The following ABCA6 variants were observed in gnomAD, a reference collection of about 807,000 sequenced individuals.
ABCA6 encodes ATP-binding cassette sub-family A member 6.
ABCA6 carries 164 observed loss-of-function variants against 191.2 expected under a neutral mutation model. The ratio of observed to expected loss-of-function variants is 0.86; its 90% CI spans 0.76 to 0.98. ABCA6 has a LOEUF of 0.98. Ranked by LOEUF, ABCA6 falls within the 50% of genes least tolerant of loss-of-function variation. ABCA6 has a pLI of 0.00. For synonymous variants in ABCA6, 636 were observed against 647.7 expected (o/e 0.98, Z 0.27); for missense variants, 1,958 against 1,894.1 (o/e 1.03, Z -0.63).
At chr17:69,082,647 G>T (rs1009350578) in intron 36 of ABCA6, among the ~76,000 whole-genome samples, 9 of 152,280 alleles carry the variant, frequency 5.9e-5, no homozygotes, top group African/African-American at 1.9e-4. Flanking sequence ...TGGAGCTGGG[G>T]ATCAGCCTGG....
chr17:69,089,424 C>T (rs2072876727), intron 27 of ABCA6, 41 bp downstream of exon 27: 1 of 1,555,724 alleles, frequency 6.4e-7, no homozygotes, highest in East Asian at 2.2e-5. Context: ...GAATGACAGT[C>T]ATCCAAAAGA....
intron 8 of ABCA6, 61 bp from the exon 9 acceptor site, chr17:69,125,096 A>G: frequency 1.1e-6 from 1 of 926,432 alleles, no homozygotes; most frequent in Non-Finnish European, 1.5e-6. Flanking sequence ...TTGGCATAGC[A>G]GGAAAAAGTA....
At chr17:69,132,458 TTG>T (rs2144713516) in intron 6 of ABCA6, among the ~76,000 whole-genome samples, 1 of 152,236 alleles carries the variant, frequency 6.6e-6, no homozygotes, top group South Asian at 2.1e-4. Context: ...TGTTTTGTTT[TTG>T]TTTTTGTTTG....
chr17:69,133,404 A>C (rs73354278), intron 6 of ABCA6, among the ~76,000 whole-genome samples: 14,740 of 152,222 alleles, frequency 0.097, 2,420 homozygotes, highest in African/African-American at 0.34. Context: ...AAAATGAATG[A>C]CAGTCCCCCT....
Position 69,081,143 on chromosome 17 carries a change from T to C in ABCA6, c.4619A>G (p.Tyr1540Cys). Residue 1540 changes from tyrosine to cysteine, a missense_variant and splice_region_variant, in exon 37 of 39, where the codon TAT becomes TGT. Transcript: ENST00000284425. Reference sequence around the variant, plus strand: ...CAGCTTATAGGTTAACAAAGAGGAATACCTGAAAACAGGAAGATGTCGTTT... The same window carrying C: ...CAGCTTATAGGTTAACAAAGAGGAACACCTGAAAACAGGAAGATGTCGTTT... The part of the protein sequence containing the change: ...LFPQAAGQER[Y>C]SSLLTYKLPV... 6.3e-7 allele frequency: 1 copy of C among 1,582,546 alleles called. No homozygotes were observed.
In ABCA6 at chr17:69,097,997, C is replaced by G. The variant is rs765246626; in HGVS notation, c.3043G>C (p.Asp1015His). Residue 1015 changes from aspartate (D) to histidine (H), a missense_variant, in exon 23 of 39, where the codon GAT (aspartate) becomes CAT (histidine). Coordinates refer to ENST00000284425, the MANE Select transcript of ABCA6 (RefSeq NM_080284.3). ...ACCAAAAATAAGAAAAAGGAACCAT[C>G]CGGCAACCCAGTCCAGAGTCCTATG... ...SHIGLWTGLP[D>H]GSFFLFLVLC... is the part of the protein sequence containing the mutation. 1 of 1,611,882 alleles carries G rather than the reference C, an allele frequency of 6.2e-7. No homozygotes were observed. The highest frequency in any genetic ancestry group is 1.1e-5 in the South Asian group (1 of 90,758).
rs746169945 is a variant in ABCA6 at position 69,133,754 on chromosome 17, GAATAA to G, written c.673_677del (p.Phe226LeufsTer23). 3 of 1,611,184 alleles carry G rather than the reference GAATAA, an allele frequency of 1.9e-6. No homozygotes were observed. The Admixed American group carries it at 5.0e-5, about 27-fold the overall frequency. The stretch of plus-strand genomic sequence containing the variant: ...CAAGTGGGGAGAAATGAAGCAAGAA[GAATAA>G]AATAAACATCTCATTGTGAAGAAGA... On this transcript the variant is annotated frameshift_variant, in exon 6 of 39. Coordinates refer to ENST00000284425, the MANE Select transcript of ABCA6 (RefSeq NM_080284.3). LOFTEE classifies it high-confidence loss of function.
chr17:69,136,047 GA>G, intron 4 of ABCA6, 44 bp downstream of exon 4: 1 of 1,567,884 alleles, frequency 6.4e-7, no homozygotes, highest in South Asian at 1.1e-5. Context: ...TCTTTATGTT[GA>G]AAACATGAAA....
Position 69,133,641 on chromosome 17 carries a change from C to T in ABCA6, c.791G>A (p.Trp264Ter). 1 of 1,569,734 alleles carries T rather than the reference C, an allele frequency of 6.4e-7. No individual in the cohort carries two copies. The highest frequency in any genetic ancestry group is 8.7e-7 in the Non-Finnish European group (1 of 1,151,496). The change falls in exon 6 of 39, where the codon TGG becomes TAG. Residue 264 changes from tryptophan to a stop codon, truncating the protein, a stop_gained and splice_region_variant. Coordinates refer to ENST00000284425, the MANE Select transcript of ABCA6 (RefSeq NM_080284.3). LOFTEE classifies it high-confidence loss of function. ...TGCACTACTTGAATTAGTCACTCACCAGAATGCTGAATCTTGGAGACCCAT... is the reference window on the plus strand; with the variant it reads ...TGCACTACTTGAATTAGTCACTCACTAGAATGCTGAATCTTGGAGACCCAT... ...KMMGLQDSAF[W>*]LSWGLIYAGF...
At chr17:69,097,673 T>G (rs2144638332) in intron 23 of ABCA6, among the ~76,000 whole-genome samples, 1 of 152,302 alleles carries the variant, frequency 6.6e-6, no homozygotes, top group South Asian at 2.1e-4. Context: ...AATATTTCCC[T>G]TTGAAGGTTT....
intron 18 of ABCA6, among the ~76,000 whole-genome samples, chr17:69,106,914 C>A (rs907104736): frequency 2.0e-5 from 3 of 152,034 alleles, no homozygotes; most frequent in Admixed American, 6.6e-5. Context: ...CTCATTGTGC[C>A]CAATCTTTGA....
At chr17:69,103,963 G>A (rs528466908) in intron 20 of ABCA6, 2 of 139,840 alleles carry the variant, frequency 1.4e-5, no homozygotes, top group Admixed American at 1.5e-4. Context: ...TCTGGGATTG[G>A]AAAAATAAGG....
rs773173894 is a variant in ABCA6 at position 69,091,270 on chromosome 17, G to T, written c.3409-8C>A. 2 of 1,608,282 alleles carry T rather than the reference G, an allele frequency of 1.2e-6. No homozygotes were observed. The highest frequency in any genetic ancestry group is 1.7e-6 in the Non-Finnish European group (2 of 1,178,888). ...AAACATGATGGTGGAGGCCTACAAG[G>T]CAAGTTCAAATATATTGTATCAGAC... On this transcript the variant is annotated splice_region_variant and splice_polypyrimidine_tract_variant and intron_variant, in intron 25 of 38. Coordinates refer to ENST00000284425, the MANE Select transcript of ABCA6 (RefSeq NM_080284.3).
At chr17:69,124,020 G>A (rs994364508) in intron 9 of ABCA6, among the ~76,000 whole-genome samples, 1 of 151,950 alleles carries the variant, frequency 6.6e-6, no homozygotes, top group African/African-American at 2.4e-5. Flanking sequence ...TTGTAGACAT[G>A]TTTGTCAACT....
At chr17:69,133,889 C>G (rs1327478197) in intron 5 of ABCA6, 22 bp from the exon 6 acceptor site, 1 of 1,440,404 alleles carries the variant, frequency 6.9e-7, no homozygotes, top group African/African-American at 1.4e-5. Context: ...TTTAAACAAA[C>G]ATAATTATTA....
In ABCA6 at chr17:69,129,744, AG is replaced by A. The variant is rs751232630; in HGVS notation, c.798del (p.Trp267GlyfsTer3). ...MGLQDSAFWL[S>X]WGLIYAGFIF... is the part of the protein sequence containing the mutation. ...ATGAAGCCAGCATAGATTAGACCCCAGGAGAGCCTAAATAAAGACAAAAAGT... is the reference window on the plus strand; with the variant it reads ...ATGAAGCCAGCATAGATTAGACCCCAGAGAGCCTAAATAAAGACAAAAAGT... On this transcript the variant is annotated frameshift_variant, in exon 7 of 39. Transcript: ENST00000284425. LOFTEE classifies it high-confidence loss of function. 6.3e-7 allele frequency: 1 copy of A among 1,577,094 alleles called. No homozygotes were observed. The highest frequency in any genetic ancestry group is 1.4e-5 in the African/African-American group (1 of 72,944).
chr17:69,133,417 A>G (rs950367896), intron 6 of ABCA6, among the ~76,000 whole-genome samples: 3 of 152,212 alleles, frequency 2.0e-5, no homozygotes, highest in Non-Finnish European at 4.4e-5. Context: ...GTCCCCCTGT[A>G]TCAGTGTTGG....
At chr17:69,087,671 C>A in intron 28 of ABCA6, 198 bp from the exon 29 acceptor site, 4 of 635,234 alleles carry the variant, frequency 6.3e-6, no homozygotes, top group Non-Finnish European at 1.1e-5. Context: ...AATGTTGTTG[C>A]CATTCTTCTG....
At chr17:69,111,041 T>C in intron 16 of ABCA6, 101 bp from the exon 17 acceptor site, 2 of 1,154,850 alleles carry the variant, frequency 1.7e-6, no homozygotes, top group East Asian at 2.5e-5. Context: ...CAACTTTACT[T>C]GGCTTTATGG....
Sources: gnomAD v4.1 joint callset for allele counts (sites outside exome capture counted in the v4.1 genomes callset) on GRCh38, gnomAD v4.1.1 for gene constraint, MANE v1.5 for transcripts, NCBI Gene and HGNC (gene_info 2026-07-23, HGNC 2026-07-21) for gene names.